Variants in VIL1 observed in about 807,000 individuals in gnomAD.
The protein encoded by VIL1 is villin 1.
In VIL1, 86 loss-of-function variants were observed where a neutral mutation model predicts 104.0. The ratio of observed to expected loss-of-function variants is 0.83; its 90% confidence interval spans 0.69 to 0.99. The LOEUF (loss-of-function observed/expected upper bound fraction) is 0.99. VIL1 is among the 50% of genes least tolerant of loss of function. VIL1 has a pLI of 0.00. For missense variants in VIL1, 944 were observed against 1,054.1 expected (o/e 0.90, Z 1.45); for synonymous variants, 394 against 412.6 (o/e 0.95, Z 0.55).
chr2:218,420,323 G>T (rs1688877875), intron 1 of VIL1, among the ~76,000 whole-genome samples: 1 of 151,068 alleles, frequency 6.6e-6, no homozygotes, highest in Non-Finnish European at 1.5e-5. Flanking sequence ...CAGCTACTCG[G>T]GAGGCTGAGG....
rs750450822 is a variant in VIL1 at position 218,440,776 on chromosome 2, GGGCCTCTGCCCATCTTC to G, written c.2285_2301del (p.Gly762AlafsTer29). 5.6e-6 allele frequency: 9 copies of G among 1,614,032 alleles called. No homozygotes were observed. Among genetic ancestry groups the G allele is most frequent in the Admixed American group, 1.7e-5 (1 of 59,992 alleles). ...CAATGCTAACAGCAACCTCAGTTCTGGGCCTCTGCCCATCTTCCCCCTGGAGCAGCTAGTGAACAAGC... is the reference window on the plus strand; with the variant it reads ...CAATGCTAACAGCAACCTCAGTTCTGCCCCTGGAGCAGCTAGTGAACAAGC... On this transcript the variant is annotated frameshift_variant, in exon 19 of 20. Transcript: ENST00000248444. LOFTEE classifies it high-confidence loss of function.
At chr2:218,423,454 G>C (rs1478435190) in intron 1 of VIL1, among the ~76,000 whole-genome samples, 2 of 152,108 alleles carry the variant, frequency 1.3e-5, no homozygotes, top group Non-Finnish European at 2.9e-5. Flanking sequence ...AGAAAAGCTT[G>C]GGGAGGGGGG....
At position 218,439,853 on chromosome 2, in the gene VIL1, G is replaced by T. The variant is rs995582907; in HGVS notation, c.2230-869G>T. On this transcript the variant is annotated intron_variant, in intron 18 of 19. Coordinates refer to ENST00000248444, the MANE Select transcript of VIL1 (RefSeq NM_007127.3). ...AAAAAAAAAACCCGAAAAAAGAAAA[G>T]AAAAAAAATGTATTTAGCCTTTAGG... 2.6e-4 allele frequency among the ~76,000 whole-genome samples: 36 copies of T among 136,222 alleles called. 1 individual carries two copies. The East Asian group carries it at 6.9e-3, about 26-fold the overall frequency. The allele number at this position is 136,222 out of a possible 152,430, so 89.4% of individuals were successfully genotyped here.
rs750161468 is a variant in VIL1 at position 218,437,249 on chromosome 2, G to C, written c.2097G>C (p.Lys699Asn). The change falls in exon 17 of 20, where the codon AAG (lysine) becomes AAC (asparagine). Residue 699 changes from lysine (K) to asparagine (N), a missense_variant. By Grantham distance (94) the Lys-to-Asn change is moderately conservative. Transcript: ENST00000248444. ...CTGAGACCCCCATCATTGTGGTGAA[G>C]CAGGGACACGAGCCCCCCACCTTCA... is the stretch of plus-strand genomic sequence containing the variant. ...RDPETPIIVVKQGHEPPTFTG... is the reference protein window; with the variant it reads ...RDPETPIIVVNQGHEPPTFTG... 30 of 1,614,220 alleles carry C rather than the reference G, an allele frequency of 1.9e-5. No homozygotes were observed. Among genetic ancestry groups the C allele is most frequent in the Non-Finnish European group, 2.5e-5 (29 of 1,180,040 alleles).
Position 218,432,803 on chromosome 2 carries a change from C to G in VIL1, c.1352C>G (p.Ala451Gly), listed in dbSNP as rs549382535. 6.2e-7 allele frequency: 1 copy of G among 1,614,076 alleles called. No homozygotes were observed. The highest frequency in any genetic ancestry group is 8.5e-7 in the Non-Finnish European group (1 of 1,179,986). Reference sequence around the variant, plus strand: ...CCTGCTCATCCCCAGGGCAGCCAGGCCAGCCAAGATGAAATTACAGCATCA... The same window carrying G: ...CCTGCTCATCCCCAGGGCAGCCAGGGCAGCCAAGATGAAATTACAGCATCA... ...YLLYVWQGSQASQDEITASAY... is the reference protein window; with the variant it reads ...YLLYVWQGSQGSQDEITASAY... The change falls in exon 13 of 20, where the codon GCC becomes GGC. Residue 451 changes from alanine to glycine, a missense_variant. Transcript: ENST00000248444.
intron 3 of VIL1, 82 bp from the exon 4 acceptor site, chr2:218,425,533 G>A (rs770066695): frequency 6.2e-6 from 9 of 1,449,554 alleles, no homozygotes; most frequent in Non-Finnish European, 8.6e-6. Context: ...AGTCCTGGAC[G>A]GCACGTGTGT....
intron 19 of VIL1, among the ~76,000 whole-genome samples, chr2:218,442,756 T>C (rs1256464776): frequency 1.3e-5 from 2 of 152,220 alleles, no homozygotes; most frequent in Non-Finnish European, 2.9e-5. Context: ...GTCTTACAAA[T>C]GAATCAAGGG....
chr2:218,440,659 A>G, intron 18 of VIL1, 63 bp from the exon 19 acceptor site: 2 of 1,604,290 alleles, frequency 1.2e-6, no homozygotes. Flanking sequence ...TCAGAGAGAA[A>G]GGCAGCCTGG....
intron 1 of VIL1, 124 bp from the exon 2 acceptor site, chr2:218,423,644 C>A: frequency 1.2e-6 from 1 of 859,808 alleles, no homozygotes. Context: ...GGGAGTAACC[C>A]TCTGTGCTCC....
In VIL1 at chr2:218,451,398, G is replaced by A. The variant is rs1050590348; in HGVS notation, c.*2062G>A. 6.6e-6 allele frequency: 1 copy of A among 152,084 alleles called. No individual in the cohort carries two copies. The highest frequency in any genetic ancestry group is 6.6e-5 in the Admixed American group (1 of 15,262). The allele number at this position is 152,084 out of a possible 1,614,324, so 9.4% of individuals were successfully genotyped here. On this transcript the variant is annotated 3_prime_UTR_variant, in exon 20 of 20. Transcript: ENST00000248444. ...TCGGGGGGTCAATTAAATTAAAAAG[G>A]CCCTCCAACCACCCTAAATGGGATA... is the stretch of plus-strand genomic sequence containing the variant.
chr2:218,440,641 T>C, intron 18 of VIL1, 81 bp from the exon 19 acceptor site: 1 of 1,578,474 alleles, frequency 6.3e-7, no homozygotes, highest in Non-Finnish European at 8.7e-7. Flanking sequence ...GGTGGTGCCC[T>C]AGAGACTTCA....
intron 9 of VIL1, among the ~76,000 whole-genome samples, 165 bp from the exon 10 acceptor site, chr2:218,430,560 G>T (rs1175281548): frequency 6.6e-6 from 1 of 152,136 alleles, no homozygotes; most frequent in African/African-American, 2.4e-5. Flanking sequence ...TGGGGTCAGA[G>T]TAGGGTTAGG....
rs144950884 is a variant in VIL1, at chr2:218,430,837, G to A, written c.1061G>A (p.Arg354Gln). ...TTCCAGAAGTGGACAGCGTCCAACC[G>A]GACCTCAGGCCTAGGCAAAACCCAC... ...QLFQKWTASNRTSGLGKTHTV... is the reference protein window; with the variant it reads ...QLFQKWTASNQTSGLGKTHTV... Residue 354 changes from arginine to glutamine, a missense_variant, in exon 10 of 20, where the codon CGG becomes CAG. Physicochemically the swap from Arg to Gln is conservative, Grantham distance 43. Transcript: ENST00000248444. The A allele has an allele frequency of 1.2e-4, 190 of 1,613,982 alleles. 1 individual carries two copies. The highest frequency in any genetic ancestry group is 1.5e-4 in the African/African-American group (11 of 75,048).
At chr2:218,433,167 G>A (rs535129054) in intron 13 of VIL1, among the ~76,000 whole-genome samples, 33 of 152,382 alleles carry the variant, frequency 2.2e-4, no homozygotes, top group Non-Finnish European at 3.8e-4. Context: ...CGGGCATGGT[G>A]GCTCACGCCT....
Position 218,423,659 on chromosome 2 carries a change from A to G in VIL1, c.-11-109A>G, listed in dbSNP as rs4672893. 1,026,237 of 1,037,426 alleles carry G rather than the reference A, an allele frequency of 0.99. 508,302 individuals are homozygous for G. The highest frequency in any genetic ancestry group is 1 in the East Asian group (39,185 of 39,186). The allele number at this position is 1,037,426 out of a possible 1,614,324, so 64.3% of individuals were successfully genotyped here. A position where few individuals can be genotyped will look rare whatever the true frequency, so the allele number is the denominator to read the frequency against. On this transcript the variant is annotated intron_variant, in intron 1 of 19. Coordinates refer to ENST00000248444, the MANE Select transcript of VIL1 (RefSeq NM_007127.3). ...GGGAGTAACCCTCTGTGCTCCCCCAAGCCCCTGAGCCTGCGACCTCCTGGC... is the reference window on the plus strand; with the variant it reads ...GGGAGTAACCCTCTGTGCTCCCCCAGGCCCCTGAGCCTGCGACCTCCTGGC...
Position 218,424,341 on chromosome 2 carries a change from T to G in VIL1, c.140T>G (p.Ile47Ser). ...AGCTTCTTCGATGGTGACTGCTACA[T>G]CATCCTGGCTGTGAGTCAGGGGCAG... ...FGSFFDGDCY[I>S]ILAIHKTASS... The change falls in exon 3 of 20, where the codon ATC becomes AGC. Residue 47 changes from isoleucine to serine, a missense_variant. Coordinates refer to ENST00000248444, the MANE Select transcript of VIL1 (RefSeq NM_007127.3). 6.2e-7 allele frequency: 1 copy of G among 1,613,838 alleles called. No individual in the cohort carries two copies. Among genetic ancestry groups the G allele is most frequent in the South Asian group, 1.1e-5 (1 of 91,074 alleles).
intron 12 of VIL1, chr2:218,432,581 G>C (rs141149146): frequency 1.3e-6 from 1 of 794,886 alleles, no homozygotes; most frequent in Non-Finnish European, 2.1e-6. Flanking sequence ...GGGCTGGGCT[G>C]GGTCTGGGAA....
Position 218,427,969 on chromosome 2 carries a change from C to T in VIL1, c.352C>T (p.Arg118Trp), listed in dbSNP as rs199596323. Residue 118 changes from arginine to tryptophan, a missense_variant, in exon 5 of 20, where the codon CGG becomes TGG. Physicochemically the swap from Arg to Trp is moderately radical, Grantham distance 101. Transcript: ENST00000248444. The part of the protein sequence containing the change: ...RGYFKQGLVI[R>W]KGGVASGMKH... The stretch of plus-strand genomic sequence containing the variant: ...TCAGCTCACCTCTCTTCTCAGGATC[C>T]GGAAAGGGGGCGTGGCTTCTGGCAT... 3.3e-5 allele frequency: 54 copies of T among 1,613,766 alleles called. No homozygotes were observed. In the East Asian group the frequency reaches 4.2e-4, roughly 13 times the overall value.
At chr2:218,431,207 C>T in intron 10 of VIL1, 1 of 491,402 alleles carries the variant, frequency 2.0e-6, no homozygotes, top group East Asian at 3.4e-5. Context: ...ATAAATTAGC[C>T]AAGCATGGTG....
Sources: gnomAD v4.1 joint callset for allele counts (sites outside exome capture counted in the v4.1 genomes callset) on GRCh38, gnomAD v4.1.1 for gene constraint, MANE v1.5 for transcripts, NCBI Gene and HGNC (gene_info 2026-07-23, HGNC 2026-07-21) for gene names.